Variants in NR6A1 observed in about 807,000 individuals in gnomAD.
NR6A1 encodes the protein retinoic acid receptor-related testis-associated receptor.
NR6A1 carries 7 observed loss-of-function variants against 59.1 expected under a neutral mutation model. That is an observed-to-expected ratio of 0.12 (90% CI 0.07 to 0.22). NR6A1 has a LOEUF of 0.22. NR6A1 is among the 10% of genes least tolerant of loss of function. The pLI is 1.00. For missense variants in NR6A1, 468 were observed against 611.6 expected, an observed-to-expected ratio of 0.77 and a Z score of 2.48; for synonymous variants, 243 against 236.1, an observed-to-expected ratio of 1.03 and a Z score of -0.27.
intron 1 of NR6A1, among the ~76,000 whole-genome samples, chr9:124,738,247 C>G (rs1165738878): frequency 6.6e-6 from 1 of 152,152 alleles, no homozygotes; most frequent in Admixed American, 6.5e-5. Flanking sequence ...GAGCAAGACT[C>G]TGTCTCAAAA....
chr9:124,533,725 C>T (rs1378246394), intron 7 of NR6A1, among the ~76,000 whole-genome samples: 1 of 151,948 alleles, frequency 6.6e-6, no homozygotes, highest in African/African-American at 2.4e-5. Flanking sequence ...ACTTGGCTCA[C>T]TGCAAGCTCC....
intron 2 of NR6A1, among the ~76,000 whole-genome samples, chr9:124,605,329 C>T (rs779112919): frequency 2.0e-5 from 3 of 152,104 alleles, no homozygotes; most frequent in African/African-American, 2.4e-5. Flanking sequence ...CTAACCTGGG[C>T]AACAAAGTGA....
intron 1 of NR6A1, among the ~76,000 whole-genome samples, chr9:124,746,212 T>C (rs138188644): frequency 2.6e-5 from 4 of 152,322 alleles, no homozygotes; most frequent in African/African-American, 9.6e-5. Flanking sequence ...CAGAAATCCA[T>C]TGTGTGGCAA....
At chr9:124,680,481 A>C (rs371921723) in intron 2 of NR6A1, among the ~76,000 whole-genome samples, 77 of 152,308 alleles carry the variant, frequency 5.1e-4, no homozygotes, top group East Asian at 1.5e-3. Flanking sequence ...AACACACACA[A>C]AAAAAACGGA....
At chr9:124,614,456 G>A (rs979133216) in intron 2 of NR6A1, among the ~76,000 whole-genome samples, 3 of 152,052 alleles carry the variant, frequency 2.0e-5, no homozygotes, top group East Asian at 1.9e-4. Context: ...ACTGGCCCTC[G>A]GGTATTCTAA....
At chr9:124,541,454 A>T (rs1295765841) in intron 4 of NR6A1, among the ~76,000 whole-genome samples, 1 of 152,228 alleles carries the variant, frequency 6.6e-6, no homozygotes, top group Non-Finnish European at 1.5e-5. Flanking sequence ...TGTCTGTTGT[A>T]TGTAAAAGAA....
chr9:124,628,172 C>T (rs1205119221), intron 2 of NR6A1, among the ~76,000 whole-genome samples: 1 of 151,976 alleles, frequency 6.6e-6, no homozygotes, highest in African/African-American at 2.4e-5. Flanking sequence ...GGACTACAGG[C>T]GCACGCCACC....
At chr9:124,545,217 G>C (rs377626640) in intron 3 of NR6A1, among the ~76,000 whole-genome samples, 10 of 152,156 alleles carry the variant, frequency 6.6e-5, no homozygotes, top group African/African-American at 2.4e-4. Context: ...TTACTGAAAT[G>C]AAAAGAGAAA....
chr9:124,665,448 T>G (rs1588759888), intron 2 of NR6A1, among the ~76,000 whole-genome samples: 4 of 152,346 alleles, frequency 2.6e-5, no homozygotes, highest in Admixed American at 2.6e-4. Flanking sequence ...GGTTCCATAA[T>G]GACCATTAGT....
intron 7 of NR6A1, among the ~76,000 whole-genome samples, chr9:124,530,604 T>C (rs534246469): frequency 2.0e-5 from 3 of 152,290 alleles, no homozygotes; most frequent in East Asian, 3.9e-4. Flanking sequence ...CAGTCAGCAA[T>C]TGAAACTGAC....
chr9:124,665,575 G>A (rs1470185846), intron 2 of NR6A1, among the ~76,000 whole-genome samples: 1 of 152,184 alleles, frequency 6.6e-6, no homozygotes, highest in African/African-American at 2.4e-5. Flanking sequence ...ATGAAATGAT[G>A]TTGCAGGAGC....
chr9:124,737,160 G>C (rs1159656859), intron 1 of NR6A1, among the ~76,000 whole-genome samples: 2 of 152,004 alleles, frequency 1.3e-5, no homozygotes, highest in Non-Finnish European at 2.9e-5. Flanking sequence ...ACTTCCTGAG[G>C]AAAGACTCTA....
intron 2 of NR6A1, among the ~76,000 whole-genome samples, chr9:124,704,718 G>A (rs935733673): frequency 6.6e-5 from 10 of 151,892 alleles, no homozygotes; most frequent in South Asian, 4.2e-4. Context: ...GATATGTTAC[G>A]TTTTCATTTA....
At chr9:124,550,763 A>G (rs1239731274) in intron 3 of NR6A1, among the ~76,000 whole-genome samples, 1 of 151,992 alleles carries the variant, frequency 6.6e-6, no homozygotes, top group Non-Finnish European at 1.5e-5. Context: ...CTTGAACTCC[A>G]GGGCTCAAGT....
In NR6A1 at chr9:124,522,504, C is replaced by T; in HGVS notation, c.*201G>A. The T allele has an allele frequency of 2.3e-6, 1 of 432,604 alleles. No homozygotes were observed. The highest frequency in any genetic ancestry group is 4.3e-6 in the Non-Finnish European group (1 of 233,018). The allele number at this position is 432,604 out of a possible 1,614,324, so 26.8% of individuals were successfully genotyped here. ...CATGTGCATCATGTTGAAGGCCATA[C>T]ATTCAACTCTGTCGTGAAATAAATA... On this transcript the variant is annotated 3_prime_UTR_variant, in exon 10 of 10. Transcript: ENST00000487099.
chr9:124,730,919 T>C (rs1308859928), intron 2 of NR6A1, among the ~76,000 whole-genome samples: 1 of 152,202 alleles, frequency 6.6e-6, no homozygotes, highest in African/African-American at 2.4e-5. Context: ...TACTTATTTA[T>C]CTGTGTATCC....
chr9:124,682,661 T>C (rs1838204053), intron 2 of NR6A1, among the ~76,000 whole-genome samples: 1 of 152,208 alleles, frequency 6.6e-6, no homozygotes, highest in Admixed American at 6.5e-5. Flanking sequence ...TAAAATACTT[T>C]TAAGTTTCTC....
chr9:124,643,422 G>A (rs1458229559), intron 2 of NR6A1, among the ~76,000 whole-genome samples: 3 of 151,996 alleles, frequency 2.0e-5, no homozygotes. Flanking sequence ...GCAACATGAT[G>A]AAACCCCATT....
At chr9:124,710,062 T>A in intron 2 of NR6A1, among the ~76,000 whole-genome samples, 1 of 152,056 alleles carries the variant, frequency 6.6e-6, no homozygotes, top group Non-Finnish European at 1.5e-5. Flanking sequence ...AATCACTCAA[T>A]CCCATAATTA....
Sources: allele counts gnomAD v4.1 joint callset (sites outside exome capture counted in the v4.1 genomes callset), GRCh38; gene constraint gnomAD v4.1.1; transcripts MANE v1.5; gene names NCBI Gene and HGNC (gene_info 2026-07-23, HGNC 2026-07-21).